Variants in UTRN observed in about 807,000 individuals in gnomAD.
UTRN encodes the protein dystrophin-related protein 1.
A neutral mutation model predicts 463.9 loss-of-function variants in UTRN; 283 were observed. The ratio of observed to expected loss-of-function variants is 0.61; its 90% CI spans 0.55 to 0.67. UTRN has a LOEUF of 0.67. Ranked by LOEUF, UTRN falls within the 30% of genes least tolerant of loss-of-function variation. The pLI is 0.00. For missense variants in UTRN, 3,922 were observed against 4,084.3 expected, an observed-to-expected ratio of 0.96 and a Z score of 1.08; for synonymous variants, 1,442 against 1,431.5, an observed-to-expected ratio of 1.01 and a Z score of -0.17.
intron 53 of UTRN, among the ~76,000 whole-genome samples, chr6:144,702,995 A>G (rs1784744228): frequency 6.6e-6 from 1 of 152,214 alleles, no homozygotes; most frequent in Non-Finnish European, 1.5e-5. Context: ...ATGTAATAAT[A>G]TAGGTAAATT....
At chr6:144,841,630 TA>T (rs1781584807) in intron 73 of UTRN, among the ~76,000 whole-genome samples, 1 of 152,120 alleles carries the variant, frequency 6.6e-6, no homozygotes, top group African/African-American at 2.4e-5. Flanking sequence ...TACAAATATA[TA>T]AATGCATATA....
intron 2 of UTRN, among the ~76,000 whole-genome samples, chr6:144,292,471 A>T (rs982732139): frequency 6.6e-6 from 1 of 152,174 alleles, no homozygotes; most frequent in Non-Finnish European, 1.5e-5. Flanking sequence ...GGTCCTCAGG[A>T]TACCACCCCC....
In UTRN at chr6:144,533,104, G is replaced by T; in HGVS notation, c.6077G>T (p.Ser2026Ile). Reference protein sequence around the residue: ...IHQQELEVGISSHQPSFAALN... With the variant: ...IHQQELEVGIISHQPSFAALN... ...TTACAGGAACTTGAGGTGGGCATCA[G>T]CAGCCACCAGCCCAGTTTTGCAGCA... The change falls in exon 43 of 75, where the codon AGC becomes ATC. Residue 2026 changes from serine to isoleucine, a missense_variant. Transcript: ENST00000367545. 1 of 1,609,170 alleles carries T rather than the reference G, an allele frequency of 6.2e-7. No individual in the cohort carries two copies. Among genetic ancestry groups the T allele is most frequent in the Non-Finnish European group, 8.5e-7 (1 of 1,175,786 alleles).
intron 3 of UTRN, among the ~76,000 whole-genome samples, chr6:144,416,863 C>T (rs1392276138): frequency 6.6e-6 from 1 of 152,138 alleles, no homozygotes; most frequent in Non-Finnish European, 1.5e-5. Flanking sequence ...TTCTGCAGGG[C>T]CAAGCACAAA....
At chr6:144,518,251 A>G (rs759009218) in intron 39 of UTRN, among the ~76,000 whole-genome samples, 6 of 152,270 alleles carry the variant, frequency 3.9e-5, no homozygotes, top group South Asian at 4.1e-4. Context: ...ATTCTCCCCA[A>G]AGTCATGGCT....
At chr6:144,799,283 C>G in intron 64 of UTRN, 4 of 347,288 alleles carry the variant, frequency 1.2e-5, no homozygotes, top group South Asian at 9.4e-5. Context: ...GTTCTCTTCT[C>G]TCATGCATTA....
chr6:144,401,964 G>A (rs1195189904), intron 2 of UTRN, among the ~76,000 whole-genome samples: 1 of 152,168 alleles, frequency 6.6e-6, no homozygotes, highest in Non-Finnish European at 1.5e-5. Context: ...TATGGATGGA[G>A]CCACACCTTT....
intron 51 of UTRN, among the ~76,000 whole-genome samples, chr6:144,590,892 A>G (rs1236087197): frequency 6.6e-6 from 1 of 151,868 alleles, no homozygotes; most frequent in Non-Finnish European, 1.5e-5. Flanking sequence ...GCACACACAC[A>G]CACACACATA....
rs559131668 is a variant in UTRN at position 144,346,938 on chromosome 6, C to T, written c.79+55031C>T. 2.0e-5 allele frequency among the ~76,000 whole-genome samples: 3 copies of T among 151,526 alleles called. No individual in the cohort carries two copies. The East Asian group carries it at 5.8e-4, about 29-fold the overall frequency. On this transcript the variant is annotated intron_variant, in intron 2 of 74. Transcript: ENST00000367545. The stretch of plus-strand genomic sequence containing the variant: ...CTATCTATCGATCTCTATCTTTATC[C>T]AGCTGTATCATCATTTTCACTAGAT...
chr6:144,694,102 G>A (rs980787168), intron 52 of UTRN, among the ~76,000 whole-genome samples: 1 of 151,872 alleles, frequency 6.6e-6, no homozygotes, highest in Non-Finnish European at 1.5e-5. Flanking sequence ...AACCTAAGGG[G>A]TGTTGAATTT....
chr6:144,846,903 T>C (rs1363272262), intron 74 of UTRN, 76 bp downstream of exon 74: 1 of 1,560,158 alleles, frequency 6.4e-7, no homozygotes, highest in Non-Finnish European at 8.8e-7. Context: ...CGACTGATTT[T>C]ATTCCTACTT....
At chr6:144,651,556 G>T (rs1166170067) in intron 51 of UTRN, among the ~76,000 whole-genome samples, 1 of 152,162 alleles carries the variant, frequency 6.6e-6, no homozygotes, top group Non-Finnish European at 1.5e-5. Context: ...AAATAATACA[G>T]ATAAGTAATC....
At chr6:144,444,888 G>C (rs1215880053) in intron 14 of UTRN, among the ~76,000 whole-genome samples, 1 of 152,120 alleles carries the variant, frequency 6.6e-6, no homozygotes, top group African/African-American at 2.4e-5. Context: ...TTTCCACTAA[G>C]TGTTATCACA....
intron 50 of UTRN, among the ~76,000 whole-genome samples, chr6:144,566,594 C>A (rs1251697714): frequency 6.6e-6 from 1 of 152,042 alleles, no homozygotes; most frequent in Non-Finnish European, 1.5e-5. Flanking sequence ...TATGGCTTGG[C>A]AAACAGACCT....
intron 2 of UTRN, among the ~76,000 whole-genome samples, chr6:144,354,913 ATC>A (rs1264516077): frequency 6.6e-6 from 1 of 152,128 alleles, no homozygotes; most frequent in Non-Finnish European, 1.5e-5. Context: ...TCTTTTAATA[ATC>A]TCTTCAGGTG....
At chr6:144,820,800 T>C in intron 65 of UTRN, 82 bp from the exon 66 acceptor site, 1 of 1,500,172 alleles carries the variant, frequency 6.7e-7, no homozygotes, top group Non-Finnish European at 8.9e-7. Flanking sequence ...ATTGCATCAA[T>C]TTACATCGGC....
intron 51 of UTRN, among the ~76,000 whole-genome samples, chr6:144,590,197 T>A (rs1301067511): frequency 2.0e-5 from 3 of 152,186 alleles, no homozygotes; most frequent in African/African-American, 7.2e-5. Context: ...ATATATTCTT[T>A]TCAAAACTAT....
At chr6:144,426,559 C>T (rs535830093) in intron 7 of UTRN, 100 bp downstream of exon 7, 161 of 1,202,284 alleles carry the variant, frequency 1.3e-4, no homozygotes, top group Non-Finnish European at 1.7e-4. Context: ...TCTCCAGTGC[C>T]ACTGCTCTCC....
At chr6:144,325,490 C>G (rs1485411921) in intron 2 of UTRN, among the ~76,000 whole-genome samples, 1 of 152,138 alleles carries the variant, frequency 6.6e-6, no homozygotes, top group Non-Finnish European at 1.5e-5. Flanking sequence ...ATCCTTGAGC[C>G]AAATAAATTT....
Sources: gnomAD v4.1 joint callset for allele counts (sites outside exome capture counted in the v4.1 genomes callset) on GRCh38, gnomAD v4.1.1 for gene constraint, MANE v1.5 for transcripts, NCBI Gene and HGNC (gene_info 2026-07-23, HGNC 2026-07-21) for gene names.